Variants in FOXP2 observed in about 807,000 individuals in gnomAD.
FOXP2 encodes forkhead box protein P2.
In FOXP2, 12 loss-of-function variants were observed where a neutral mutation model predicts 115.8. That is an observed-to-expected ratio of 0.10 (90% CI 0.07 to 0.17). The LOEUF (loss-of-function observed/expected upper bound fraction) is 0.17. Ranked by LOEUF, FOXP2 falls within the 10% of genes least tolerant of loss-of-function variation. The pLI is 1.00. For missense variants in FOXP2, 629 were observed against 843.5 expected (o/e 0.75, Z 3.15); for synonymous variants, 328 against 297.7 (o/e 1.10, Z -1.05).
chr7:114,283,377 A>G (rs960056876), intron 1 of FOXP2, among the ~76,000 whole-genome samples: 6 of 152,166 alleles, frequency 3.9e-5, no homozygotes, highest in Non-Finnish European at 8.8e-5. Context: ...AATTTATAAT[A>G]TATTCTTCCA....
At chr7:114,556,484 T>C (rs188098759) in intron 3 of FOXP2, among the ~76,000 whole-genome samples, 36 of 152,236 alleles carry the variant, frequency 2.4e-4, no homozygotes, top group Admixed American at 2.2e-3. Flanking sequence ...CCCTAAGGAG[T>C]AAAGCATACA....
chr7:114,174,468 G>T (rs1793234365), intron 1 of FOXP2, among the ~76,000 whole-genome samples: 1 of 152,024 alleles, frequency 6.6e-6, no homozygotes, highest in East Asian at 1.9e-4. Context: ...AAGGGGATCT[G>T]ATAGATATTT....
intron 1 of FOXP2, among the ~76,000 whole-genome samples, chr7:114,425,096 G>C (rs1284839251): frequency 6.6e-6 from 1 of 151,370 alleles, no homozygotes; most frequent in South Asian, 2.1e-4. Flanking sequence ...TGTGTGCATC[G>C]CATTTTAAAA....
At chr7:114,094,736 A>G (rs1325352773) in intron 1 of FOXP2, among the ~76,000 whole-genome samples, 1 of 152,144 alleles carries the variant, frequency 6.6e-6, no homozygotes, top group Non-Finnish European at 1.5e-5. Context: ...ATCACAGCTC[A>G]TGGTAACCTC....
chr7:114,407,279 T>A (rs1793057884), intron 2 of FOXP2, among the ~76,000 whole-genome samples: 1 of 152,058 alleles, frequency 6.6e-6, no homozygotes, highest in African/African-American at 2.4e-5. Context: ...GATAAATAGT[T>A]GGAATTACAA....
intron 2 of FOXP2, among the ~76,000 whole-genome samples, chr7:114,500,538 C>T (rs1454915341): frequency 6.6e-6 from 1 of 152,020 alleles, no homozygotes; most frequent in Admixed American, 6.6e-5. Flanking sequence ...CATTTAAAAT[C>T]TACAGAGGAA....
chr7:114,662,244 C>CT, intron 14 of FOXP2, 58 bp downstream of exon 14: 2 of 1,606,674 alleles, frequency 1.2e-6, no homozygotes, highest in Non-Finnish European at 1.7e-6. Flanking sequence ...AAAGTAAATA[C>CT]TTTAAGTTGG....
At chr7:114,681,587 C>T (rs1368771525) in intron 16 of FOXP2, among the ~76,000 whole-genome samples, 1 of 152,146 alleles carries the variant, frequency 6.6e-6, no homozygotes, top group Admixed American at 6.5e-5. Flanking sequence ...ATGTACAGAG[C>T]ATTTCAATGA....
intron 2 of FOXP2, among the ~76,000 whole-genome samples, chr7:114,491,229 T>G (rs1797036195): frequency 6.6e-6 from 1 of 152,178 alleles, no homozygotes; most frequent in South Asian, 2.1e-4. Flanking sequence ...CTCATTGTGG[T>G]TTTGATTTGC....
At chr7:114,379,495 G>A (rs34392115) in intron 2 of FOXP2, among the ~76,000 whole-genome samples, 1,841 of 152,116 alleles carry the variant, frequency 0.012, 18 homozygotes, top group Middle Eastern at 0.044. Context: ...TGCTGAATTG[G>A]GGCATAGTAG....
rs1803725888 is a variant in FOXP2 at position 114,613,195 on chromosome 7, A to G, written c.259-15345A>G. Among the ~76,000 whole-genome samples, 2 of 152,142 alleles carry G rather than the reference A, an allele frequency of 1.3e-5. 1 individual carries two copies. The highest frequency in any genetic ancestry group is 4.1e-4 in the South Asian group (2 of 4,824). On this transcript the variant is annotated intron_variant, in intron 3 of 16. Transcript: ENST00000350908. Reference sequence around the variant, plus strand: ...AATTTTTTTAATTAACAATATATTTATGTTTTAAAATTCAAAAGGTACAAA... The same window carrying G: ...AATTTTTTTAATTAACAATATATTTGTGTTTTAAAATTCAAAAGGTACAAA...
chr7:114,157,897 G>A (rs1212312495), intron 1 of FOXP2, among the ~76,000 whole-genome samples: 1 of 152,082 alleles, frequency 6.6e-6, no homozygotes, highest in African/African-American at 2.4e-5. Context: ...TATCATTATA[G>A]TAGTAGGTGG....
intron 1 of FOXP2, among the ~76,000 whole-genome samples, chr7:114,142,360 G>A (rs997449864): frequency 1.2e-4 from 18 of 152,040 alleles, no homozygotes; most frequent in African/African-American, 4.3e-4. Flanking sequence ...TTTAAGCTTA[G>A]GAAGCACAAA....
At chr7:114,448,915 G>A (rs1431057066) in intron 2 of FOXP2, among the ~76,000 whole-genome samples, 1 of 151,986 alleles carries the variant, frequency 6.6e-6, no homozygotes, top group Admixed American at 6.6e-5. Flanking sequence ...GAACATTTTT[G>A]GTGAATATTT....
chr7:114,509,429 A>G (rs997772554), intron 2 of FOXP2, among the ~76,000 whole-genome samples: 1 of 152,040 alleles, frequency 6.6e-6, no homozygotes, highest in African/African-American at 2.4e-5. Flanking sequence ...AGAGAAAGGT[A>G]TTATGAAAGT....
At chr7:114,613,349 A>T (rs1803733793) in intron 3 of FOXP2, among the ~76,000 whole-genome samples, 1 of 152,100 alleles carries the variant, frequency 6.6e-6, no homozygotes, top group Admixed American at 6.5e-5. Flanking sequence ...TGTATATTTT[A>T]CACATAATGG....
At chr7:114,103,861 C>A (rs1003793284) in intron 1 of FOXP2, among the ~76,000 whole-genome samples, 1 of 152,010 alleles carries the variant, frequency 6.6e-6, no homozygotes, top group African/African-American at 2.4e-5. Flanking sequence ...TGACTTCCAA[C>A]TAACCCATAA....
intron 1 of FOXP2, among the ~76,000 whole-genome samples, chr7:114,152,613 C>T (rs1792556259): frequency 6.6e-6 from 1 of 152,160 alleles, no homozygotes; most frequent in Admixed American, 6.5e-5. Flanking sequence ...ACATCGCCTA[C>T]ATGAAATGAA....
chr7:114,330,935 ATTACCT>A (rs1797693464), intron 2 of FOXP2, among the ~76,000 whole-genome samples: 1 of 152,190 alleles, frequency 6.6e-6, no homozygotes, highest in Non-Finnish European at 1.5e-5. Flanking sequence ...TGAAATATGA[ATTACCT>A]AAATCTAACA....
Sources: allele counts gnomAD v4.1 joint callset (sites outside exome capture counted in the v4.1 genomes callset), GRCh38; gene constraint gnomAD v4.1.1; transcripts MANE v1.5; gene names NCBI Gene and HGNC (gene_info 2026-07-23, HGNC 2026-07-21).